Variants in MTMR11 observed in about 807,000 individuals in gnomAD.
MTMR11 encodes the protein myotubularin-related protein 11.
MTMR11 carries 89 observed loss-of-function variants against 100.0 expected under a neutral mutation model. The observed-to-expected ratio is 0.89, with a 90% CI of 0.75 to 1.06. The LOEUF is 1.06. Ranked by LOEUF, MTMR11 falls within the 50% of genes least tolerant of loss-of-function variation. The pLI is 0.00. For missense variants in MTMR11, 809 were observed against 873.7 expected (o/e 0.93, Z 0.93); for synonymous variants, 336 against 326.3 (o/e 1.03, Z -0.32).
At position 149,931,323 on chromosome 1, in the gene MTMR11, T is replaced by C. The variant is rs1553767598; in HGVS notation, c.1227A>G (p.Arg409=). Residue 409 remains arginine (R), a synonymous_variant, in exon 13 of 17, where the codon CGA becomes CGG. Coordinates refer to ENST00000439741, the MANE Select transcript of MTMR11 (RefSeq NM_001145862.2). ...AGGGATGTCCAGCTGCCACCCACTC[T>C]CGCTGTACTAGTGATTGGAAGCCAA... ...TLFGFQSLVQ[R]EWVAAGHPFL... 6.2e-7 allele frequency: 1 copy of C among 1,614,104 alleles called. No homozygotes were observed. Among genetic ancestry groups the C allele is most frequent in the Admixed American group, 1.7e-5 (1 of 60,008 alleles).
chr1:149,935,697 T>C lies in MTMR11; in HGVS notation c.151A>G (p.Ile51Val). The C allele has an allele frequency of 6.2e-7, 1 of 1,604,960 alleles. No homozygotes were observed. Among genetic ancestry groups the C allele is most frequent in the South Asian group, 1.1e-5 (1 of 89,896 alleles). The stretch of plus-strand genomic sequence containing the variant: ...CTCACCCCTGGGGCCCATGCTAGGA[T>C]CTGCTCCCCTAAAGGGGAAGAAGGG... ...LASRCLPGEQILAWAPGVRKG... is the reference protein window; with the variant it reads ...LASRCLPGEQVLAWAPGVRKG... Residue 51 changes from isoleucine (I) to valine (V), a missense_variant, in exon 3 of 17, where the codon ATC (isoleucine) becomes GTC (valine). By Grantham distance (29) the Ile-to-Val change is conservative. Transcript: ENST00000439741.
chr1:149,934,236 C>A lies in MTMR11; in HGVS notation c.638G>T (p.Gly213Val). Residue 213 changes from glycine to valine, a missense_variant, in exon 7 of 17, where the codon GGC becomes GTC. Gly to Val is a moderately radical substitution (Grantham distance 109). Transcript: ENST00000439741. ...CTCGTTGACCGTGCTGACCCTCCAG[C>A]CTCTGGCTGCCTGCTTCTTCCGCTC... The part of the protein sequence containing the change: ...ETERKKQAAR[G>V]WRVSTVNERF... The A allele has an allele frequency of 6.2e-7, 1 of 1,614,168 alleles. No homozygotes were observed. The highest frequency in any genetic ancestry group is 8.5e-7 in the Non-Finnish European group (1 of 1,180,030).
chr1:149,929,224 CAG>C lies in MTMR11; in HGVS notation c.2033_2034del (p.Pro678ArgfsTer17). 1 of 1,614,058 alleles carries C rather than the reference CAG, an allele frequency of 6.2e-7. No homozygotes were observed. The highest frequency in any genetic ancestry group is 1.1e-5 in the South Asian group (1 of 91,068). On this transcript the variant is annotated frameshift_variant, in exon 17 of 17. Coordinates refer to ENST00000439741, the MANE Select transcript of MTMR11 (RefSeq NM_001145862.2). LOFTEE classifies it high-confidence loss of function. ...GGATCTCTTTTCTTGGAGTGATCCT[CAG>C]GAGATATTCTTGGTGTCCATTTCCG... ...LLRKWTPRIS[P>X]EDHSKKRDPH...
At chr1:149,931,633 C>A in intron 12 of MTMR11, 1 of 588,912 alleles carries the variant, frequency 1.7e-6, no homozygotes, top group South Asian at 2.2e-5. Context: ...ATAGAAATAC[C>A]CAGTTTCACA....
rs1002256578 is a variant in MTMR11 at position 149,928,737 on chromosome 1, G to C, written c.*392C>G. The C allele has an allele frequency of 2.7e-5, 24 of 881,778 alleles. No individual in the cohort carries two copies. Among genetic ancestry groups the C allele is most frequent in the East Asian group, 5.0e-5 (2 of 39,768 alleles). 54.6% of individuals were successfully genotyped at this position (881,778 alleles called of 1,614,324 possible). On this transcript the variant is annotated 3_prime_UTR_variant, in exon 17 of 17. Transcript: ENST00000439741. The stretch of plus-strand genomic sequence containing the variant: ...AGGAGATAGGGTGTTTCCTGTATCC[G>C]CCTCATTCCCATAGAAAACTATAAG...
intron 2 of MTMR11, 130 bp from the exon 3 acceptor site, chr1:149,935,835 G>A: frequency 2.6e-6 from 3 of 1,150,114 alleles, no homozygotes; most frequent in Non-Finnish European, 3.6e-6. Flanking sequence ...CCACTACAAT[G>A]TAAGCTTATG....
At chr1:149,929,372 T>C in intron 16 of MTMR11, 55 bp from the exon 17 acceptor site, 1 of 1,461,582 alleles carries the variant, frequency 6.8e-7, no homozygotes, top group Non-Finnish European at 9.5e-7. Context: ...TCTGGCCCCC[T>C]GCTTCTCTGC....
At chr1:149,934,928 G>A (rs1291872180) in intron 5 of MTMR11, 58 bp downstream of exon 5, 1 of 1,576,318 alleles carries the variant, frequency 6.3e-7, no homozygotes, top group Non-Finnish European at 8.6e-7. Flanking sequence ...GAAATTGTCA[G>A]GGAGAGGATC....
In MTMR11 at chr1:149,933,419, G is replaced by A. The variant is rs782293441; in HGVS notation, c.972C>T (p.Ala324=). 7 of 1,614,148 alleles carry A rather than the reference G, an allele frequency of 4.3e-6. No homozygotes were observed. The East Asian group carries it at 1.1e-4, about 26-fold the overall frequency. The change falls in exon 10 of 17, where the codon GCC becomes GCT. Residue 324 remains alanine, a synonymous_variant. Transcript: ENST00000439741. ...GGTTATTCTCACCAGGCAGGCAGAG[G>A]GCCCTCAGCCTCAGGTGGGCAAGTT... The part of the protein sequence containing the change: ...DVQLAHLRLR[A]LCLPDSSVAE...
At chr1:149,935,450 TAG>T in intron 3 of MTMR11, 91 bp from the exon 4 acceptor site, 1 of 1,578,896 alleles carries the variant, frequency 6.3e-7, no homozygotes, top group Non-Finnish European at 8.7e-7. Flanking sequence ...GCAACAACCC[TAG>T]AGAGAGTTCC....
intron 2 of MTMR11, among the ~76,000 whole-genome samples, chr1:149,935,909 T>G (rs917643546): frequency 6.6e-6 from 1 of 152,184 alleles, no homozygotes; most frequent in Non-Finnish European, 1.5e-5. Context: ...GCCTGGCACA[T>G]AGCAGGCACT....
Position 149,934,293 on chromosome 1 carries a change from G to C in MTMR11, c.581C>G (p.Pro194Arg), listed in dbSNP as rs1409147810. ...QGSGSRKPPI[P>R]LMETAEDWET... is the part of the protein sequence containing the mutation. Reference sequence around the variant, plus strand: ...CCAGTCTTCCGCTGTCTCCATGAGAGGAATTGGTGGTTTTCTGGAGCCAGA... The same window carrying C: ...CCAGTCTTCCGCTGTCTCCATGAGACGAATTGGTGGTTTTCTGGAGCCAGA... Residue 194 changes from proline (P) to arginine (R), a missense_variant, in exon 7 of 17, where the codon CCT (proline) becomes CGT (arginine). Pro to Arg is a moderately radical substitution (Grantham distance 103, BLOSUM62 -2). Coordinates refer to ENST00000439741, the MANE Select transcript of MTMR11 (RefSeq NM_001145862.2). 1.2e-6 allele frequency: 2 copies of C among 1,614,234 alleles called. No homozygotes were observed. The highest frequency in any genetic ancestry group is 1.7e-6 in the Non-Finnish European group (2 of 1,180,032).
intron 16 of MTMR11, 59 bp downstream of exon 16, chr1:149,929,564 C>T (rs1042087869): frequency 2.5e-5 from 38 of 1,533,826 alleles, no homozygotes; most frequent in Non-Finnish European, 3.3e-5. Context: ...AGCTCCTGTT[C>T]ATCTGGTTCA....
In MTMR11 at chr1:149,928,908, AAAC is replaced by A; in HGVS notation, c.*218_*220del. 6.2e-7 allele frequency: 1 copy of A among 1,614,176 alleles called. No individual in the cohort carries two copies. The highest frequency in any genetic ancestry group is 1.1e-5 in the South Asian group (1 of 91,090). Reference sequence around the variant, plus strand: ...CAGAAGGGATGGGATTGGCCTAAAAAAACCGATCAATTTCTGGATTGTTTTTGT... The same window carrying A: ...CAGAAGGGATGGGATTGGCCTAAAAACGATCAATTTCTGGATTGTTTTTGT... On this transcript the variant is annotated 3_prime_UTR_variant, in exon 17 of 17. Transcript: ENST00000439741.
chr1:149,935,823 G>C (rs2092714299), intron 2 of MTMR11, 118 bp from the exon 3 acceptor site: 4 of 1,224,292 alleles, frequency 3.3e-6, no homozygotes, highest in African/African-American at 1.5e-5. Flanking sequence ...CCTCCCCAAA[G>C]CCCACTACAA....
chr1:149,929,140 C>A lies in MTMR11; in HGVS notation c.2119G>T (p.Asp707Tyr), dbSNP rs373466760. The A allele has an allele frequency of 4.3e-5, 70 of 1,611,576 alleles. No individual in the cohort carries two copies. Among genetic ancestry groups the A allele is most frequent in the Admixed American group, 8.4e-5 (5 of 59,738 alleles). The change falls in exon 17 of 17, where the codon GAT (aspartate) becomes TAT (tyrosine). Residue 707 changes from aspartate to tyrosine, a missense_variant. Transcript: ENST00000439741. ...GACAGAACCCTCCTCTACCCCAGAT[C>A]CCCCTCTGCCCTGCCTTTGAGAATG... ...AGILKGRAEG[D>Y]LG
rs782468024 is a variant in MTMR11 at position 149,933,548 on chromosome 1, A to G, written c.861-18T>C. On this transcript the variant is annotated intron_variant, in intron 9 of 16. Transcript: ENST00000439741. ...CCACTGCTCTGGAGGGGAGGGAGTC[A>G]GGAAATAAGGAGTCTACCCTGAGCA... 3.7e-6 allele frequency: 6 copies of G among 1,613,842 alleles called. No homozygotes were observed. The East Asian group carries it at 1.3e-4, about 36-fold the overall frequency.
rs1396239705 is a variant in MTMR11, at chr1:149,929,852, G to C, written c.1712C>G (p.Pro571Arg). 1.2e-6 allele frequency: 2 copies of C among 1,614,088 alleles called. No homozygotes were observed. Among genetic ancestry groups the C allele is most frequent in the Non-Finnish European group, 1.7e-6 (2 of 1,180,040 alleles). Residue 571 changes from proline (P) to arginine (R), a missense_variant, in exon 16 of 17, where the codon CCC (proline) becomes CGC (arginine). Transcript: ENST00000439741. ...VWLFSRGALT[P>R]LNQLCPWRDS... ...CCGCCAAGGACAGAGCTGATTCAGG[G>C]GGGTCAATGCTCCTCTAGAGAAGAG... is the stretch of plus-strand genomic sequence containing the variant.
In MTMR11 at chr1:149,929,113, T is replaced by G. The variant is rs782672560; in HGVS notation, c.*16A>C. 1.9e-6 allele frequency: 3 copies of G among 1,571,614 alleles called. No homozygotes were observed. The highest frequency in any genetic ancestry group is 2.6e-6 in the Non-Finnish European group (3 of 1,162,682). ...AGATACAAAAAAAAAAAAAAAAGAT[T>G]AGACAGAACCCTCCTCTACCCCAGA... On this transcript the variant is annotated 3_prime_UTR_variant, in exon 17 of 17. Coordinates refer to ENST00000439741, the MANE Select transcript of MTMR11 (RefSeq NM_001145862.2).
Sources: allele counts gnomAD v4.1 joint callset (sites outside exome capture counted in the v4.1 genomes callset), GRCh38; gene constraint gnomAD v4.1.1; transcripts MANE v1.5; gene names NCBI Gene and HGNC (gene_info 2026-07-23, HGNC 2026-07-21).